The following NUCB1 variants were observed in gnomAD, a reference collection of about 807,000 sequenced individuals.
NUCB1 encodes the protein nucleobindin 1, also known as nucleobindin-1.
A neutral mutation model predicts 61.2 loss-of-function variants in NUCB1; 47 were observed. The ratio of observed to expected loss-of-function variants is 0.77; its 90% CI spans 0.61 to 0.98. The LOEUF is 0.98. Ranked by LOEUF, NUCB1 falls within the 50% of genes least tolerant of loss-of-function variation. The probability of loss-of-function intolerance (pLI) is 0.00; values close to 1 mark genes in which losing one functional copy is unlikely to be tolerated. For synonymous variants in NUCB1, 234 were observed against 243.1 expected (o/e 0.96, Z 0.35); for missense variants, 583 against 605.3 (o/e 0.96, Z 0.39).
chr19:48,918,820 C>T (rs771562157), intron 8 of NUCB1, 36 bp downstream of exon 8: 34 of 1,588,082 alleles, frequency 2.1e-5, no homozygotes, highest in Admixed American at 2.0e-4. Flanking sequence ...CCTGGAGGGA[C>T]GCCCAAATCA....
rs748492226 is a variant in NUCB1 at position 48,919,062 on chromosome 19, G to A, written c.849G>A (p.Glu283=). Residue 283 remains glutamate, a synonymous_variant, in exon 9 of 13, where the codon GAG becomes GAA. Coordinates refer to ENST00000405315, the MANE Select transcript of NUCB1 (RefSeq NM_006184.6). Reference sequence around the variant, plus strand: ...AAGTGTACGACCCAAAGAATGAGGAGGACGACATGCGGGAGATGGAGGAGG... The same window carrying A: ...AAGTGTACGACCCAAAGAATGAGGAAGACGACATGCGGGAGATGGAGGAGG... The part of the protein sequence containing the change: ...LEKVYDPKNE[E]DDMREMEEER... 2.5e-6 allele frequency: 4 copies of A among 1,614,116 alleles called. No homozygotes were observed. Among genetic ancestry groups the A allele is most frequent in the Non-Finnish European group, 3.4e-6 (4 of 1,180,010 alleles).
rs868631675 is a variant in NUCB1 at position 48,918,951 on chromosome 19, A to T, written c.817-79A>T. The T allele has an allele frequency of 1.6e-5, 23 of 1,444,840 alleles. 1 individual carries two copies. The South Asian group carries it at 2.0e-4, about 13-fold the overall frequency. 89.5% of individuals were successfully genotyped at this position (1,444,840 alleles called of 1,614,324 possible). A position where few individuals can be genotyped will look rare whatever the true frequency, so the allele number is the denominator to read the frequency against. ...CCAGGAGTGGTAGCGTGCCCAAAGGACTGCTGGGAGTTGAAGTTGTCGGGA... is the reference window on the plus strand; with the variant it reads ...CCAGGAGTGGTAGCGTGCCCAAAGGTCTGCTGGGAGTTGAAGTTGTCGGGA... On this transcript the variant is annotated intron_variant, in intron 8 of 12. Coordinates refer to ENST00000405315, the MANE Select transcript of NUCB1 (RefSeq NM_006184.6).
At chr19:48,922,254 C>CT (rs1360528276) in intron 12 of NUCB1, 64 bp from the exon 13 acceptor site, 1 of 1,385,784 alleles carries the variant, frequency 7.2e-7, no homozygotes, top group South Asian at 1.2e-5. Context: ...GGCTGGGCCT[C>CT]TGGGGTCCTG....
chr19:48,900,848 C>T lies in NUCB1; in HGVS notation c.52C>T (p.Leu18=). The T allele has an allele frequency of 6.2e-7, 1 of 1,613,950 alleles. No homozygotes were observed. Among genetic ancestry groups the T allele is most frequent in the Non-Finnish European group, 8.5e-7 (1 of 1,180,024 alleles). ...CCTCCTTCTGTTGCCGCTGCTGCTG[C>T]TGCTCCTGCTTCGCGCCGTGCTGGC... ...GTLLLLPLLL[L]LLLRAVLAVP... is the part of the protein sequence containing the mutation. Residue 18 remains leucine, a synonymous_variant, in exon 2 of 13, where the codon CTG becomes TTG. Transcript: ENST00000405315.
intron 9 of NUCB1, 26 bp from the exon 10 acceptor site, chr19:48,919,168 T>C: frequency 6.2e-7 from 1 of 1,613,890 alleles, no homozygotes; most frequent in Non-Finnish European, 8.5e-7. Context: ...CCCAGCTCTG[T>C]CACTCACCCT....
chr19:48,919,159 C>T (rs778678167), intron 9 of NUCB1, 35 bp from the exon 10 acceptor site: 8 of 1,613,880 alleles, frequency 5.0e-6, no homozygotes, highest in Non-Finnish European at 6.8e-6. Context: ...GGACGGGCCC[C>T]CAGCTCTGTC....
At position 48,900,431 on chromosome 19, in the gene NUCB1, G is replaced by A. The variant is rs1002069314; in HGVS notation, c.-12+59G>A. 1.1e-5 allele frequency: 3 copies of A among 273,550 alleles called. No individual in the cohort carries two copies. In the Admixed American group the frequency reaches 1.5e-4, roughly 13 times the overall value. The allele number at this position is 273,550 out of a possible 1,614,324, so 16.9% of individuals were successfully genotyped here. On this transcript the variant is annotated intron_variant, in intron 1 of 12. Coordinates refer to ENST00000405315, the MANE Select transcript of NUCB1 (RefSeq NM_006184.6). ...TAGGGAGGATGGGGGCCAGAGGGCT[G>A]GAAAACTGGGTCCCGGAGGAGGATG...
At chr19:48,906,124 G>T (rs1455743278) in intron 4 of NUCB1, among the ~76,000 whole-genome samples, 3 of 152,100 alleles carry the variant, frequency 2.0e-5, no homozygotes, top group Non-Finnish European at 4.4e-5. Context: ...CTTTATCATG[G>T]GCTGGGCACA....
rs373847540 is a variant in NUCB1 at position 48,905,873 on chromosome 19, G to A, written c.364G>A (p.Glu122Lys). 3.6e-5 allele frequency: 53 copies of A among 1,485,578 alleles called. No individual in the cohort carries two copies. The highest frequency in any genetic ancestry group is 1.9e-4 in the Middle Eastern group (1 of 5,400). The allele number at this position is 1,485,578 out of a possible 1,614,324, so 92.0% of individuals were successfully genotyped here. ...GCTGCTCAAGGCCAAGATGGACGCC[G>A]AGCAGGATCCCAGTGAGCAGGGGCA... ...RMLLKAKMDA[E>K]QDPNVQVDHL... The change falls in exon 4 of 13, where the codon GAG (glutamate) becomes AAG (lysine). Residue 122 changes from glutamate to lysine, a missense_variant. Transcript: ENST00000405315.
At chr19:48,916,170 TCGTGTG>T (rs2037537770) in intron 7 of NUCB1, among the ~76,000 whole-genome samples, 2 of 136,992 alleles carry the variant, frequency 1.5e-5, no homozygotes, top group Non-Finnish European at 3.0e-5. Context: ...TTGGTATTTG[TCGTGTG>T]TGTGTGTGTG....
At chr19:48,906,120 C>T (rs997911836) in intron 4 of NUCB1, among the ~76,000 whole-genome samples, 3 of 152,072 alleles carry the variant, frequency 2.0e-5, no homozygotes, top group African/African-American at 7.2e-5. Context: ...AAATCTTTAT[C>T]ATGGGCTGGG....
At chr19:48,906,762 G>C (rs2037416918) in intron 4 of NUCB1, among the ~76,000 whole-genome samples, 1 of 151,878 alleles carries the variant, frequency 6.6e-6, no homozygotes. Flanking sequence ...TTTTAGAAAA[G>C]TTGTAAGAGT....
intron 5 of NUCB1, 128 bp from the exon 6 acceptor site, chr19:48,912,883 G>A (rs1413562730): frequency 2.7e-5 from 14 of 516,220 alleles, no homozygotes; most frequent in Admixed American, 6.9e-5. Context: ...GACACGAGAC[G>A]TAAGAAAGAC....
chr19:48,908,225 G>C (rs577745444), intron 4 of NUCB1, among the ~76,000 whole-genome samples: 1 of 152,236 alleles, frequency 6.6e-6, no homozygotes, highest in East Asian at 1.9e-4. Flanking sequence ...CTGCCTCCCA[G>C]GTTCAAGCGA....
chr19:48,920,737 C>T (rs1270377193), intron 10 of NUCB1, among the ~76,000 whole-genome samples: 1 of 152,036 alleles, frequency 6.6e-6, no homozygotes, highest in Non-Finnish European at 1.5e-5. Flanking sequence ...TGGTCAGGCT[C>T]ATCTCAAACT....
intron 4 of NUCB1, among the ~76,000 whole-genome samples, chr19:48,910,637 C>T (rs373429960): frequency 4.0e-5 from 6 of 151,076 alleles, no homozygotes; most frequent in Admixed American, 1.3e-4. Context: ...TTGCAGCGAG[C>T]CGAGATCCTG....
intron 2 of NUCB1, among the ~76,000 whole-genome samples, chr19:48,902,745 A>G (rs917536222): frequency 1.3e-5 from 2 of 151,828 alleles, no homozygotes; most frequent in Admixed American, 1.3e-4. Context: ...CAAGGAAGAG[A>G]GGAAGTGAGG....
chr19:48,921,163 A>G lies in NUCB1; in HGVS notation c.1012A>G (p.Met338Val), dbSNP rs35456905. Residue 338 changes from methionine to valine, a missense_variant, in exon 11 of 13, where the codon ATG becomes GTG. By Grantham distance (21) the Met-to-Val change is conservative. Transcript: ENST00000405315. ...TGTGCCTGCCCTGCAGACAGTGGAG[A>G]TGCACCCTGCCTACACCGAGGAAGA... ...DTGEGWETVE[M>V]HPAYTEEELR... 1,360 of 1,607,962 alleles carry G rather than the reference A, an allele frequency of 8.5e-4. 14 individuals are homozygous for G. In the African/African-American group the frequency reaches 0.017, roughly 20 times the overall value.
At chr19:48,921,415 G>A (rs371110130) in intron 11 of NUCB1, 91 bp downstream of exon 11, 1 of 1,406,852 alleles carries the variant, frequency 7.1e-7, no homozygotes. Context: ...GAAGGCCTGT[G>A]GCCACCATGT....
Sources: allele counts gnomAD v4.1 joint callset (sites outside exome capture counted in the v4.1 genomes callset), GRCh38; gene constraint gnomAD v4.1.1; transcripts MANE v1.5; gene names NCBI Gene and HGNC (gene_info 2026-07-23, HGNC 2026-07-21).